The following PLXNA3 variants were observed in gnomAD, a reference collection of about 807,000 sequenced individuals.
PLXNA3 encodes the protein plexin-A3.
Under a neutral mutation model 118.8 loss-of-function variants are expected in PLXNA3, and 52 were observed. That is an observed-to-expected ratio of 0.44 (90% CI 0.35 to 0.55). PLXNA3 has a LOEUF of 0.55. PLXNA3 is among the 20% of genes least tolerant of loss of function. PLXNA3 has a pLI of 0.01. For missense variants in PLXNA3, 1,660 were observed against 1,730.8 expected (o/e 0.96, Z 0.73); for synonymous variants, 925 against 762.4 (o/e 1.21, Z -3.51).
At position 154,464,853 on chromosome X, in the gene PLXNA3, G is replaced by T; in HGVS notation, c.2028G>T (p.Arg676Ser). 1 of 1,197,176 alleles carries T rather than the reference G, an allele frequency of 8.4e-7. No individual in the cohort carries two copies. Among genetic ancestry groups the T allele is most frequent in the Non-Finnish European group, 1.1e-6 (1 of 884,985 alleles). Residue 676 changes from arginine (R) to serine (S), a missense_variant, in exon 10 of 33, where the codon AGG becomes AGT. By Grantham distance (110) the Arg-to-Ser change is moderately radical. Coordinates refer to ENST00000369682, the MANE Select transcript of PLXNA3 (RefSeq NM_017514.5). ...RPHECSFQEG[R>S]VHSPEGCPEI... ...ACGAGTGCTCCTTCCAGGAGGGCAG[G>T]GTCCACAGCCCTGAGGTGAGGCGGG...
chrX:154,460,094 G>A (rs2068915318), intron 1 of PLXNA3, 63 bp from the exon 2 acceptor site: 1 of 611,375 alleles, frequency 1.6e-6, no homozygotes, highest in African/African-American at 2.2e-5. Flanking sequence ...GCGGGGTGGT[G>A]GGTGAATGGC....
rs1557210976 is a variant in PLXNA3 at position 154,476,787 on chromosome X, T to G, written c.*4102T>G. 1 of 112,065 alleles carries G rather than the reference T, an allele frequency of 8.9e-6. No homozygotes were observed. Among genetic ancestry groups the G allele is most frequent in the African/African-American group, 3.2e-5 (1 of 30,851 alleles). The allele number at this position is 112,065 out of a possible 1,213,427, so 9.2% of individuals were successfully genotyped here. A position where few individuals can be genotyped will look rare whatever the true frequency, so the allele number is the denominator to read the frequency against. Reference sequence around the variant, plus strand: ...GTGAGGGACAGCGACGTGTGGGAGCTGGGAAACAAGGTAAGCCATGCGACT... The same window carrying G: ...GTGAGGGACAGCGACGTGTGGGAGCGGGGAAACAAGGTAAGCCATGCGACT... On this transcript the variant is annotated 3_prime_UTR_variant, in exon 33 of 33. Coordinates refer to ENST00000369682, the MANE Select transcript of PLXNA3 (RefSeq NM_017514.5).
chrX:154,460,991 G>T, intron 2 of PLXNA3, 108 bp from the exon 3 acceptor site: 1 of 783,827 alleles, frequency 1.3e-6, no homozygotes, highest in Non-Finnish European at 1.8e-6. Flanking sequence ...TCTGGCCTGG[G>T]CCTCTGTGAT....
In PLXNA3 at chrX:154,462,207, C is replaced by A. The variant is rs1557204958; in HGVS notation, c.1214C>A (p.Pro405His). The change falls in exon 4 of 33, where the codon CCC becomes CAC. Residue 405 changes from proline to histidine, a missense_variant. Transcript: ENST00000369682. ...LGGLHVIEGL[P>H]LLADSTDGMA... ...GGCCTGCATGTGATCGAGGGGCTGC[C>A]CCTGCTGGCCGACAGCACCGACGGC... 1 of 1,204,582 alleles carries A rather than the reference C, an allele frequency of 8.3e-7. No individual in the cohort carries two copies. Among genetic ancestry groups the A allele is most frequent in the East Asian group, 3.0e-5 (1 of 33,209 alleles).
chrX:154,467,644 CTCCTG>C lies in PLXNA3; in HGVS notation c.3543_3547del (p.Leu1182ArgfsTer101). On this transcript the variant is annotated frameshift_variant, in exon 20 of 33. Transcript: ENST00000369682. LOFTEE classifies it high-confidence loss of function. ...TTCGCTCACTGTCTCGGACACACAA[CTCCTG>C]TGCGACTCACCCAGCCAGACTGGCC... 8.3e-7 allele frequency: 1 copy of C among 1,210,332 alleles called. No individual in the cohort carries two copies. The highest frequency in any genetic ancestry group is 1.1e-6 in the Non-Finnish European group (1 of 895,250).
Position 154,475,840 on chromosome X carries a change from C to G in PLXNA3, c.*3155C>G, listed in dbSNP as rs1015039245. The G allele has an allele frequency of 1.8e-5, 2 of 112,049 alleles. No individual in the cohort carries two copies. Among genetic ancestry groups the G allele is most frequent in the African/African-American group, 6.5e-5 (2 of 30,777 alleles). The allele number at this position is 112,049 out of a possible 1,213,427, so 9.2% of individuals were successfully genotyped here. A position where few individuals can be genotyped will look rare whatever the true frequency, so the allele number is the denominator to read the frequency against. ...ATCCCTCAGAAATGGATGGAATCTA[C>G]CAGAAGCATCATGAGAGGAAGAGGA... On this transcript the variant is annotated 3_prime_UTR_variant, in exon 33 of 33. Coordinates refer to ENST00000369682, the MANE Select transcript of PLXNA3 (RefSeq NM_017514.5).
chrX:154,463,772 G>A lies in PLXNA3; in HGVS notation c.1547+82G>A, dbSNP rs896336412. ...CAGCCACACCCAGCCGTGCCCTTGC[G>A]GCCTCCCCCCGCCCTCCTCCACTTT... On this transcript the variant is annotated intron_variant, in intron 6 of 32. Transcript: ENST00000369682. 5.5e-5 allele frequency: 54 copies of A among 977,410 alleles called. No homozygotes were observed. The Admixed American group carries it at 5.8e-4, about 11-fold the overall frequency. The allele number at this position is 977,410 out of a possible 1,213,427, so 80.5% of individuals were successfully genotyped here.
chrX:154,472,765 G>T lies in PLXNA3; in HGVS notation c.*80G>T, dbSNP rs1295800249. Reference sequence around the variant, plus strand: ...AGGGGAGTGGCTGGCTCAAGCCTGGGTCCCCGGGCTGAGCCCTGGATTGGG... The same window carrying T: ...AGGGGAGTGGCTGGCTCAAGCCTGGTTCCCCGGGCTGAGCCCTGGATTGGG... On this transcript the variant is annotated 3_prime_UTR_variant, in exon 33 of 33. Transcript: ENST00000369682. The T allele has an allele frequency of 1.3e-6, 1 of 750,723 alleles. No individual in the cohort carries two copies. Among genetic ancestry groups the T allele is most frequent in the Non-Finnish European group, 2.1e-6 (1 of 484,590 alleles). The allele number at this position is 750,723 out of a possible 1,213,427, so 61.9% of individuals were successfully genotyped here. A position where few individuals can be genotyped will look rare whatever the true frequency, so the allele number is the denominator to read the frequency against.
rs782242295 is a variant in PLXNA3, at chrX:154,468,862, A to G, written c.4327A>G (p.Ile1443Val). The G allele has an allele frequency of 8.3e-7, 1 of 1,211,312 alleles. No individual in the cohort carries two copies. Among genetic ancestry groups the G allele is most frequent in the Non-Finnish European group, 1.1e-6 (1 of 895,437 alleles). The change falls in exon 25 of 33, where the codon ATC becomes GTC. Residue 1443 changes from isoleucine (I) to valine (V), a missense_variant. This residue lies in a region of PLXNA3 where 869 missense variants were observed against 1,078.7 expected (regional missense o/e 0.81). Coordinates refer to ENST00000369682, the MANE Select transcript of PLXNA3 (RefSeq NM_017514.5). ...GEPLFLLYCA[I>V]KQQMEKGPID... is the part of the protein sequence containing the mutation. The stretch of plus-strand genomic sequence containing the variant: ...GCCTCTCTTCCTGCTTTACTGTGCC[A>G]TCAAGCAGCAGATGGAGAAGGGCCC...
Position 154,463,959 on chromosome X carries a change from G to T in PLXNA3, c.1556G>T (p.Arg519Leu), listed in dbSNP as rs369435958. The T allele has an allele frequency of 4.4e-5, 51 of 1,171,550 alleles. No homozygotes were observed. In the African/African-American group the frequency reaches 6.6e-4, roughly 15 times the overall value. The change falls in exon 7 of 33, where the codon CGC becomes CTC. Residue 519 changes from arginine to leucine, a missense_variant. By Grantham distance (102) the Arg-to-Leu change is moderately radical. Transcript: ENST00000369682. ...GWCVLRHRCC[R>L]EGACLGASAP... ...GGCCCGACCCCGTGCAGGTGCTGCCGCGAAGGGGCCTGTCTGGGCGCCTCT... is the reference window on the plus strand; with the variant it reads ...GGCCCGACCCCGTGCAGGTGCTGCCTCGAAGGGGCCTGTCTGGGCGCCTCT...
chrX:154,460,451 C>G lies in PLXNA3; in HGVS notation c.268C>G (p.Leu90Val). 5 of 1,204,292 alleles carry G rather than the reference C, an allele frequency of 4.2e-6. No homozygotes were observed. Among genetic ancestry groups the G allele is most frequent in the Admixed American group, 2.2e-5 (1 of 45,753 alleles). Residue 90 changes from leucine (L) to valine (V), a missense_variant, in exon 2 of 33, where the codon CTG becomes GTG. By Grantham distance (32) the Leu-to-Val change is conservative. This residue lies in a region of PLXNA3 where 791 missense variants were observed against 652.1 expected (regional missense o/e 1.21). Transcript: ENST00000369682. ...CAGCATGCGCGTGTGTGCCCACCGC[C>G]TGGCCCCCGTGGACAACATCAACAA... ...PPSMRVCAHR[L>V]APVDNINKLL...
At chrX:154,462,937 C>T (rs782778818) in intron 4 of PLXNA3, among the ~76,000 whole-genome samples, 8 of 111,042 alleles carry the variant, frequency 7.2e-5, no homozygotes, top group Non-Finnish European at 1.3e-4. Context: ...GGTCTGGGGG[C>T]GCAGGGAAGG....
At position 154,475,152 on chromosome X, in the gene PLXNA3, A is replaced by G. The variant is rs1425747355; in HGVS notation, c.*2467A>G. 1.2e-5 allele frequency: 1 copy of G among 86,052 alleles called. No homozygotes were observed. The highest frequency in any genetic ancestry group is 4.6e-5 in the African/African-American group (1 of 21,679). The allele number at this position is 86,052 out of a possible 1,213,427, so 7.1% of individuals were successfully genotyped here. ...GTTTCACTCTTGTTGCCCAGGCTGG[A>G]GTGCAATGGTATGATCTTGGCTCAC... On this transcript the variant is annotated 3_prime_UTR_variant, in exon 33 of 33. Coordinates refer to ENST00000369682, the MANE Select transcript of PLXNA3 (RefSeq NM_017514.5).
chrX:154,463,696 G>T lies in PLXNA3; in HGVS notation c.1547+6G>T, dbSNP rs782764730. Reference sequence around the variant, plus strand: ...TGGTGTGTGCTGCGACACAGGTGAGGGCGGGGACCCCTGCTCGGGGAGTTG... The same window carrying T: ...TGGTGTGTGCTGCGACACAGGTGAGTGCGGGGACCCCTGCTCGGGGAGTTG... On this transcript the variant is annotated splice_donor_region_variant and intron_variant, in intron 6 of 32. Transcript: ENST00000369682. The T allele has an allele frequency of 8.4e-7, 1 of 1,185,266 alleles. No homozygotes were observed.
In PLXNA3 at chrX:154,476,847, C is replaced by G. The variant is rs1557210981; in HGVS notation, c.*4162C>G. 1.8e-5 allele frequency: 2 copies of G among 112,016 alleles called. No homozygotes were observed. Among genetic ancestry groups the G allele is most frequent in the Non-Finnish European group, 3.8e-5 (2 of 53,176 alleles). 9.2% of individuals were successfully genotyped at this position (112,016 alleles called of 1,213,427 possible). On this transcript the variant is annotated 3_prime_UTR_variant, in exon 33 of 33. Transcript: ENST00000369682. ...TCCTGTGTGGAGTTTCCTGGTGGAG[C>G]CTGGCAGACACCCGGACTTTAGGAG...
Position 154,466,919 on chromosome X carries a change from C to T in PLXNA3, c.3107+126C>T, listed in dbSNP as rs1557207365. 1.6e-5 allele frequency: 14 copies of T among 854,941 alleles called. No homozygotes were observed. In the South Asian group the frequency reaches 1.9e-4, roughly 12 times the overall value. The allele number at this position is 854,941 out of a possible 1,213,427, so 70.5% of individuals were successfully genotyped here. A position where few individuals can be genotyped will look rare whatever the true frequency, so the allele number is the denominator to read the frequency against. On this transcript the variant is annotated intron_variant, in intron 17 of 32. Coordinates refer to ENST00000369682, the MANE Select transcript of PLXNA3 (RefSeq NM_017514.5). The stretch of plus-strand genomic sequence containing the variant: ...CATTGGTGGAGGGGGTGGAGCTGTC[C>T]TGGCTGCACAGTACCCGGCACCCAC...
At chrX:154,471,727 T>C in intron 32 of PLXNA3, 89 bp downstream of exon 32, 1 of 899,417 alleles carries the variant, frequency 1.1e-6, no homozygotes, top group South Asian at 2.3e-5. Context: ...GGTTGGGGAT[T>C]GTTCACGGTC....
At chrX:154,461,713 A>T (rs2068966766) in intron 3 of PLXNA3, 75 bp downstream of exon 3, 1 of 994,597 alleles carries the variant, frequency 1.0e-6, no homozygotes, top group Non-Finnish European at 1.4e-6. Flanking sequence ...GCTCACGGCC[A>T]GTCATCCTGT....
intron 10 of PLXNA3, 61 bp from the exon 11 acceptor site, chrX:154,464,957 C>G: frequency 9.1e-7 from 1 of 1,099,526 alleles, no homozygotes; most frequent in Non-Finnish European, 1.2e-6. Context: ...TTTGAGCCTT[C>G]TCCAGGTTGG....
Sources: allele counts gnomAD v4.1 joint callset (sites outside exome capture counted in the v4.1 genomes callset), GRCh38; gene constraint gnomAD v4.1.1; regional missense constraint gnomAD v4.1.1; transcripts MANE v1.5; gene names NCBI Gene and HGNC (gene_info 2026-07-23, HGNC 2026-07-21).